The following FSIP1 variants were observed in gnomAD, a reference collection of about 807,000 sequenced individuals.
FSIP1 encodes the protein fibrous sheath-interacting protein 1.
Under a neutral mutation model 60.9 loss-of-function variants are expected in FSIP1, and 65 were observed. The observed-to-expected ratio is 1.07, with a 90% CI of 0.87 to 1.31. The LOEUF (loss-of-function observed/expected upper bound fraction) is 1.31, where lower values mean the gene tolerates loss of function less well. Among genes scored for constraint, FSIP1 ranks in the 40% most tolerant of loss-of-function variants. FSIP1 has a pLI of 0.00. For missense variants in FSIP1, 675 were observed against 665.5 expected (o/e 1.01, Z -0.16); for synonymous variants, 209 against 221.2 (o/e 0.94, Z 0.49).
chr15:39,710,307 C>G (rs1187621624), intron 10 of FSIP1, among the ~76,000 whole-genome samples: 2 of 151,884 alleles, frequency 1.3e-5, no homozygotes, highest in Non-Finnish European at 2.9e-5. Context: ...ACAAGGCAAA[C>G]CCCCGTCTCT....
intron 2 of FSIP1, among the ~76,000 whole-genome samples, chr15:39,774,106 A>G (rs1897976072): frequency 6.6e-6 from 1 of 152,242 alleles, no homozygotes; most frequent in Admixed American, 6.5e-5. Flanking sequence ...AAAGTTAGAA[A>G]TTCTCCCCAA....
At chr15:39,650,440 C>T (rs1892818085) in intron 10 of FSIP1, among the ~76,000 whole-genome samples, 1 of 152,096 alleles carries the variant, frequency 6.6e-6, no homozygotes, top group Non-Finnish European at 1.5e-5. Context: ...TTCAAATACC[C>T]AAAATATTAA....
At chr15:39,648,783 C>T (rs1892740480) in intron 10 of FSIP1, among the ~76,000 whole-genome samples, 1 of 152,130 alleles carries the variant, frequency 6.6e-6, no homozygotes, top group East Asian at 1.9e-4. Context: ...GTCAGTAAAT[C>T]ACAGAATAAA....
At chr15:39,663,224 C>T (rs1179046438) in intron 10 of FSIP1, among the ~76,000 whole-genome samples, 4 of 151,996 alleles carry the variant, frequency 2.6e-5, no homozygotes, top group African/African-American at 4.8e-5. Flanking sequence ...AAACGAGTAG[C>T]GCACATTATT....
At chr15:39,680,484 AG>A (rs1894117879) in intron 10 of FSIP1, among the ~76,000 whole-genome samples, 1 of 152,210 alleles carries the variant, frequency 6.6e-6, no homozygotes, top group African/African-American at 2.4e-5. Context: ...CACATGACTA[AG>A]ATTTGGCCAA....
intron 10 of FSIP1, among the ~76,000 whole-genome samples, chr15:39,645,228 G>A (rs1254006776): frequency 3.9e-5 from 6 of 152,216 alleles, no homozygotes; most frequent in African/African-American, 1.4e-4. Flanking sequence ...CAGTATGAAG[G>A]ATCCTAAAGG....
intron 10 of FSIP1, among the ~76,000 whole-genome samples, chr15:39,672,188 T>TGTCAAGATGAAGGC (rs768633093): frequency 5.2e-4 from 79 of 152,340 alleles, no homozygotes; most frequent in South Asian, 1.9e-3. Context: ...AGCTTCCCTG[T>TGTCAAGATGAAGGC]GTCAAGATGA....
chr15:39,652,956 G>A lies in FSIP1; in HGVS notation c.1189-34711C>T, dbSNP rs188863563. Among the ~76,000 whole-genome samples the A allele has an allele frequency of 3.0e-4, 46 of 152,060 alleles. 1 individual carries two copies. The highest frequency in any genetic ancestry group is 1.1e-3 in the African/African-American group (45 of 41,476). Reference sequence around the variant, plus strand: ...TTTGGGAGGTTGAGGTGGGTGGACCGCTTGAGCTCATGAGTTTGAGATCAG... The same window carrying A: ...TTTGGGAGGTTGAGGTGGGTGGACCACTTGAGCTCATGAGTTTGAGATCAG... On this transcript the variant is annotated intron_variant, in intron 10 of 11. Transcript: ENST00000350221.
intron 10 of FSIP1, among the ~76,000 whole-genome samples, chr15:39,619,451 C>G (rs1413063393): frequency 2.0e-5 from 3 of 151,994 alleles, no homozygotes; most frequent in African/African-American, 7.2e-5. Context: ...GTGACTGACC[C>G]TAAGGTTAAT....
intron 3 of FSIP1, among the ~76,000 whole-genome samples, chr15:39,769,106 C>T (rs1283747260): frequency 1.3e-5 from 2 of 151,846 alleles, no homozygotes; most frequent in African/African-American, 2.4e-5. Context: ...GGTGAAACCC[C>T]GTCTCTACTA....
chr15:39,641,074 A>G (rs1681172228), intron 10 of FSIP1, among the ~76,000 whole-genome samples: 1 of 152,248 alleles, frequency 6.6e-6, no homozygotes, highest in African/African-American at 2.4e-5. Flanking sequence ...AGGCTCATGG[A>G]CAGAAATGAT....
intron 2 of FSIP1, among the ~76,000 whole-genome samples, chr15:39,775,493 G>GAAAAAAAAGGGACTGCTA (rs1898024037): frequency 2.0e-5 from 3 of 151,018 alleles, no homozygotes; most frequent in Non-Finnish European, 4.4e-5. Flanking sequence ...ATATTTTAAG[G>GAAAAAAAAGGGACTGCTA]AAAAAAAAGG....
intron 10 of FSIP1, among the ~76,000 whole-genome samples, chr15:39,690,771 A>T (rs1484000545): frequency 6.6e-6 from 1 of 152,148 alleles, no homozygotes; most frequent in Non-Finnish European, 1.5e-5. Flanking sequence ...ATCCCAGGGG[A>T]CTGCTGCTTT....
At chr15:39,645,840 C>A (rs1370664997) in intron 10 of FSIP1, among the ~76,000 whole-genome samples, 1 of 152,222 alleles carries the variant, frequency 6.6e-6, no homozygotes, top group Non-Finnish European at 1.5e-5. Context: ...TGGGGCCGAG[C>A]CCCAGGGCCA....
chr15:39,612,988 T>A (rs908293636), intron 11 of FSIP1, among the ~76,000 whole-genome samples: 4 of 151,808 alleles, frequency 2.6e-5, no homozygotes, highest in Non-Finnish European at 4.4e-5. Context: ...TAACACAGAA[T>A]GCTCAAAATA....
At chr15:39,674,099 G>A (rs2411305) in intron 10 of FSIP1, among the ~76,000 whole-genome samples, 4,728 of 151,000 alleles carry the variant, frequency 0.031, 250 homozygotes, top group African/African-American at 0.11. Flanking sequence ...CTGTCGCCCA[G>A]GCTGGAGTGC....
chr15:39,657,025 G>GCTAAAACAGCAC (rs1893098638), intron 10 of FSIP1, among the ~76,000 whole-genome samples: 1 of 152,182 alleles, frequency 6.6e-6, no homozygotes, highest in African/African-American at 2.4e-5. Flanking sequence ...CTTATAGCCA[G>GCTAAAACAGCAC]CTAAAACAGC....
At chr15:39,762,915 G>T (rs960519374) in intron 5 of FSIP1, among the ~76,000 whole-genome samples, 3 of 152,138 alleles carry the variant, frequency 2.0e-5, no homozygotes, top group African/African-American at 7.2e-5. Context: ...GACAGGTAAA[G>T]GTGCTCGTGA....
At chr15:39,736,636 T>C (rs1896619288) in intron 8 of FSIP1, among the ~76,000 whole-genome samples, 1 of 152,230 alleles carries the variant, frequency 6.6e-6, no homozygotes, top group South Asian at 2.1e-4. Context: ...CAGGGATCAC[T>C]GCACATGCAC....
Sources: gnomAD v4.1 joint callset for allele counts (sites outside exome capture counted in the v4.1 genomes callset) on GRCh38, gnomAD v4.1.1 for gene constraint, MANE v1.5 for transcripts, NCBI Gene and HGNC (gene_info 2026-07-23, HGNC 2026-07-21) for gene names.